PRKCZ: variants seen among roughly 807,000 people sequenced by gnomAD.
The protein encoded by PRKCZ is protein kinase C zeta, also known as protein kinase C zeta type.
In PRKCZ, 33 loss-of-function variants were observed where a neutral mutation model predicts 79.5. The ratio of observed to expected loss-of-function variants is 0.41; its 90% CI spans 0.31 to 0.55. The LOEUF is 0.55. Among genes scored for constraint, PRKCZ ranks in the 20% least tolerant of loss-of-function variants. PRKCZ has a pLI of 0.19. For synonymous variants in PRKCZ, 342 were observed against 320.9 expected (o/e 1.07, Z -0.70); for missense variants, 578 against 813.5 (o/e 0.71, Z 3.52).
At chr1:2,093,463 T>C (rs907371390) in intron 4 of PRKCZ, among the ~76,000 whole-genome samples, 1 of 152,136 alleles carries the variant, frequency 6.6e-6, no homozygotes, top group African/African-American at 2.4e-5. Flanking sequence ...GGCTCTGGCC[T>C]GGTCCAGCCC....
At chr1:2,162,736 C>T (rs1557712437) in intron 10 of PRKCZ, among the ~76,000 whole-genome samples, 1 of 152,200 alleles carries the variant, frequency 6.6e-6, no homozygotes, top group East Asian at 1.9e-4. Context: ...GCGTGAGCCA[C>T]GGTGCCTGGC....
Position 2,125,795 on chromosome 1 carries a change from C to T in PRKCZ, c.335-9467C>T, listed in dbSNP as rs1194661507. ...GCAGTCCATGCCGCAGAGGCTGTCC[C>T]TTGGGGGCCCACGCATCCTAGCCAC... On this transcript the variant is annotated intron_variant, in intron 4 of 17. Transcript: ENST00000378567. The surrounding 1 kb of genome is among the most constrained non-coding windows in gnomAD (Gnocchi z 4.2). Among the ~76,000 whole-genome samples, 1 of 152,240 alleles carries T rather than the reference C, an allele frequency of 6.6e-6. No individual in the cohort carries two copies. The highest frequency in any genetic ancestry group is 1.5e-5 in the Non-Finnish European group (1 of 68,022).
intron 4 of PRKCZ, among the ~76,000 whole-genome samples, chr1:2,086,426 A>G (rs914835768): frequency 2.6e-5 from 4 of 152,066 alleles, no homozygotes; most frequent in African/African-American, 9.7e-5. Flanking sequence ...GATTTCTGTC[A>G]TTGTTCGTCT....
chr1:2,151,277 G>A (rs1430420187), intron 9 of PRKCZ, among the ~76,000 whole-genome samples: 2 of 152,252 alleles, frequency 1.3e-5, no homozygotes, highest in East Asian at 1.9e-4. Context: ...AAGCCCGTAC[G>A]GCTGTTAGTG....
intron 4 of PRKCZ, among the ~76,000 whole-genome samples, chr1:2,108,693 C>T (rs1024886152): frequency 6.6e-6 from 1 of 152,220 alleles, no homozygotes; most frequent in African/African-American, 2.4e-5. Flanking sequence ...GGGCTGTGAG[C>T]GAGGCTGTCT....
chr1:2,135,663 G>T (rs1033065582), intron 5 of PRKCZ, among the ~76,000 whole-genome samples: 7 of 152,206 alleles, frequency 4.6e-5, no homozygotes, highest in Admixed American at 2.6e-4. Context: ...ATCCAGAGTG[G>T]GGCGGCCGCA....
At position 2,173,715 on chromosome 1, in the gene PRKCZ, C is replaced by G. The variant is rs189608932; in HGVS notation, c.1286-182C>G. On this transcript the variant is annotated intron_variant, in intron 13 of 17. Transcript: ENST00000378567. The surrounding 1 kb of genome is among the most constrained non-coding windows in gnomAD (Gnocchi z 5.7). ...GTGTCAGGGACGGTGGCAGGGAGGCCGAGCTGCCAGGTGGAGGTGCTGGTT... is the reference window on the plus strand; with the variant it reads ...GTGTCAGGGACGGTGGCAGGGAGGCGGAGCTGCCAGGTGGAGGTGCTGGTT... 1.2e-3 allele frequency among the ~76,000 whole-genome samples: 178 copies of G among 152,296 alleles called. No individual in the cohort carries two copies. Among genetic ancestry groups the G allele is most frequent in the African/African-American group, 4.1e-3 (171 of 41,566 alleles).
intron 1 of PRKCZ, among the ~76,000 whole-genome samples, chr1:2,054,525 T>C (rs1659975188): frequency 6.6e-6 from 1 of 151,568 alleles, no homozygotes; most frequent in Non-Finnish European, 1.5e-5. Context: ...AGGTCCTGTC[T>C]GGGGCTGAAA....
At chr1:2,169,667 G>A (rs1403649525) in intron 11 of PRKCZ, 63 bp downstream of exon 11, 6 of 1,288,230 alleles carry the variant, frequency 4.7e-6, no homozygotes, top group East Asian at 2.6e-5. Flanking sequence ...GGGTGCGTGC[G>A]GTGTTGGGGG....
intron 1 of PRKCZ, among the ~76,000 whole-genome samples, chr1:2,052,795 T>TGAGAC (rs1659804907): frequency 6.6e-6 from 1 of 152,078 alleles, no homozygotes; most frequent in African/African-American, 2.4e-5. Flanking sequence ...GTCCCTGGGG[T>TGAGAC]GAGACGCTGC....
intron 9 of PRKCZ, among the ~76,000 whole-genome samples, chr1:2,155,746 G>A (rs1422292564): frequency 6.6e-6 from 1 of 151,688 alleles, no homozygotes; most frequent in Non-Finnish European, 1.5e-5. Flanking sequence ...GGGGTAGGGT[G>A]TATGGTGACA....
chr1:2,156,443 T>A, intron 10 of PRKCZ: 1 of 231,646 alleles, frequency 4.3e-6, no homozygotes, highest in South Asian at 5.8e-5. Context: ...TATACTGGAA[T>A]TCTGTGGCTT....
intron 4 of PRKCZ, chr1:2,116,219 C>T (rs1053526214): frequency 9.8e-5 from 15 of 152,304 alleles, no homozygotes; most frequent in African/African-American, 3.6e-4. Flanking sequence ...TCCCGATGCA[C>T]CTCCTTCCAG....
chr1:2,067,648 G>A (rs994063344), intron 4 of PRKCZ, among the ~76,000 whole-genome samples: 4 of 152,170 alleles, frequency 2.6e-5, no homozygotes, highest in African/African-American at 4.8e-5. Flanking sequence ...ACGGGGGTCC[G>A]CATGAGGGGC....
intron 16 of PRKCZ, chr1:2,182,005 T>C (rs1393283266): frequency 5.3e-6 from 2 of 376,290 alleles, no homozygotes; most frequent in African/African-American, 2.1e-5. Flanking sequence ...TGGCCGTGGA[T>C]GCTGCCTGTG....
chr1:2,050,245 G>A (rs1401293361), upstream of PRKCZ, among the ~76,000 whole-genome samples: 1 of 151,774 alleles, frequency 6.6e-6, no homozygotes, highest in African/African-American at 2.4e-5. Flanking sequence ...AGCCCCGCCC[G>A]ACAGGTAGCC....
At chr1:2,102,637 TTTTG>T (rs779662511) in intron 4 of PRKCZ, among the ~76,000 whole-genome samples, 100 of 151,500 alleles carry the variant, frequency 6.6e-4, no homozygotes, top group Non-Finnish European at 3.7e-4. Flanking sequence ...CGGCCCTCGT[TTTTG>T]TTTGTTTTAC....
At chr1:2,056,605 G>C (rs3820005) in intron 3 of PRKCZ, 32 bp downstream of exon 3, 222,417 of 1,585,714 alleles carry the variant, frequency 0.14, 16,464 homozygotes, top group South Asian at 0.18. Flanking sequence ...GGGCAGCTCT[G>C]GGGGGCTGTT....
chr1:2,093,508 GT>G (rs1665885680), intron 4 of PRKCZ, among the ~76,000 whole-genome samples: 2 of 152,164 alleles, frequency 1.3e-5, no homozygotes, highest in African/African-American at 4.8e-5. Flanking sequence ...GAAAGGCAGG[GT>G]GGGGGTCTCC....
Sources: allele counts gnomAD v4.1 joint callset (sites outside exome capture counted in the v4.1 genomes callset), GRCh38; gene constraint gnomAD v4.1.1; non-coding constraint Gnocchi (gnomAD v3.1); transcripts MANE v1.5; gene names NCBI Gene and HGNC (gene_info 2026-07-23, HGNC 2026-07-21).